Variants in SPHKAP observed in about 807,000 individuals in gnomAD.
SPHKAP encodes SPHK1 interactor, AKAP domain containing, also known as A-kinase anchor protein SPHKAP.
Under a neutral mutation model 137.5 loss-of-function variants are expected in SPHKAP, and 67 were observed. That is an observed-to-expected ratio of 0.49 (90% CI 0.40 to 0.60). The LOEUF is 0.60. Among genes scored for constraint, SPHKAP ranks in the 20% least tolerant of loss-of-function variants. SPHKAP has a pLI of 0.00. For synonymous variants in SPHKAP, 813 were observed against 785.3 expected (o/e 1.04, Z -0.59); for missense variants, 2,097 against 2,069.3 (o/e 1.01, Z -0.26).
At chr2:228,096,457 C>T (rs187647297) in intron 3 of SPHKAP, among the ~76,000 whole-genome samples, 21 of 152,242 alleles carry the variant, frequency 1.4e-4, no homozygotes, top group Admixed American at 1.1e-3. Context: ...TCTCCCTGCC[C>T]TTGAGCACGC....
At chr2:228,150,858 C>T (rs559904775) in intron 1 of SPHKAP, among the ~76,000 whole-genome samples, 68 of 152,066 alleles carry the variant, frequency 4.5e-4, no homozygotes, top group African/African-American at 1.6e-3. Context: ...TCAAGCAATC[C>T]TCATACCTCA....
intron 3 of SPHKAP, among the ~76,000 whole-genome samples, chr2:228,098,744 C>A (rs527593334): frequency 2.4e-3 from 329 of 134,292 alleles, no homozygotes; most frequent in Non-Finnish European, 4.0e-3. Context: ...CACATGTACC[C>A]TAAACCTTAA....
intron 1 of SPHKAP, among the ~76,000 whole-genome samples, chr2:228,134,543 G>A (rs142365438): frequency 2.0e-5 from 3 of 152,290 alleles, no homozygotes; most frequent in Admixed American, 6.5e-5. Context: ...TTACCCAAGC[G>A]TGGACATCTC....
At chr2:228,034,970 C>T (rs1402483544) in intron 3 of SPHKAP, among the ~76,000 whole-genome samples, 1 of 150,994 alleles carries the variant, frequency 6.6e-6, no homozygotes, top group South Asian at 2.1e-4. Context: ...AAAACTGGCA[C>T]AAGAGAGGGA....
At chr2:228,044,079 C>T (rs1574793238) in intron 3 of SPHKAP, among the ~76,000 whole-genome samples, 1 of 152,172 alleles carries the variant, frequency 6.6e-6, no homozygotes, top group Admixed American at 6.5e-5. Flanking sequence ...ATCTAACATT[C>T]ATCTCTCATA....
At chr2:228,155,623 C>G (rs72617141) in intron 1 of SPHKAP, among the ~76,000 whole-genome samples, 32,173 of 151,864 alleles carry the variant, frequency 0.21, 3,938 homozygotes, top group East Asian at 0.49. Flanking sequence ...GACAATATAG[C>G]CATTGGCATA....
chr2:228,027,624 G>A (rs1288359946), intron 3 of SPHKAP, 81 bp from the exon 4 acceptor site: 1 of 1,393,628 alleles, frequency 7.2e-7, no homozygotes, highest in Non-Finnish European at 1.0e-6. Flanking sequence ...GGAATCAGTT[G>A]GGGCAAATGC....
intron 3 of SPHKAP, among the ~76,000 whole-genome samples, chr2:228,047,466 CAAA>C (rs1229956684): frequency 1.0e-5 from 1 of 99,384 alleles, no homozygotes; most frequent in Non-Finnish European, 2.0e-5. Context: ...AACTCCATCT[CAAA>C]AAAAAAAAAA....
rs1694600691 is a variant in SPHKAP, at chr2:228,016,555, T to G, written c.4299A>C (p.Thr1433=). Residue 1433 remains threonine (T), a synonymous_variant, in exon 7 of 12, where the codon ACA becomes ACC. Transcript: ENST00000392056. ...SREVPLIQIE[T]DQREACAGEP... ...CCCCAGCACAGGCTTCTCTCTGATC[T>G]GTTTCAATCTGAATCAAAGGCACTT... The G allele has an allele frequency of 1.2e-6, 2 of 1,614,046 alleles. No homozygotes were observed. The highest frequency in any genetic ancestry group is 1.3e-5 in the African/African-American group (1 of 74,918).
At chr2:228,066,239 C>G (rs1696825203) in intron 3 of SPHKAP, among the ~76,000 whole-genome samples, 1 of 152,152 alleles carries the variant, frequency 6.6e-6, no homozygotes, top group Non-Finnish European at 1.5e-5. Context: ...TTAATGTTTT[C>G]CCTGTACTTT....
In SPHKAP at chr2:227,995,626, G is replaced by C. The variant is rs769617684; in HGVS notation, c.4517C>G (p.Ala1506Gly). ...ASTEARAPDE[A>G]PNPPSSSEES... ...CTCGCTGCTGCTTGGAGGGTTGGGGGCCTCATCGGGGGCTCTGGCTTCTGT... is the reference window on the plus strand; with the variant it reads ...CTCGCTGCTGCTTGGAGGGTTGGGGCCCTCATCGGGGGCTCTGGCTTCTGT... The change falls in exon 8 of 12, where the codon GCC becomes GGC. Residue 1506 changes from alanine (A) to glycine (G), a missense_variant. Transcript: ENST00000392056. 1.9e-6 allele frequency: 3 copies of C among 1,613,772 alleles called. No individual in the cohort carries two copies. Among genetic ancestry groups the C allele is most frequent in the South Asian group, 1.1e-5 (1 of 91,054 alleles).
At chr2:228,154,510 C>CTATATATATA (rs1255951798) in intron 1 of SPHKAP, among the ~76,000 whole-genome samples, 248 of 37,458 alleles carry the variant, frequency 6.6e-3, no homozygotes, top group Admixed American at 9.3e-3. Context: ...CTCTCTCTCT[C>CTATATATATA]TCTATATATA....
chr2:227,996,637 C>T (rs1164780951), intron 7 of SPHKAP, among the ~76,000 whole-genome samples: 1 of 152,160 alleles, frequency 6.6e-6, no homozygotes, highest in Non-Finnish European at 1.5e-5. Context: ...TTCTGCATAT[C>T]TCATTAACAT....
intron 5 of SPHKAP, 57 bp downstream of exon 5, chr2:228,025,337 C>G: frequency 1.9e-6 from 3 of 1,583,776 alleles, no homozygotes; most frequent in Non-Finnish European, 2.6e-6. Flanking sequence ...TTACACTGAT[C>G]TGTGCTGAGC....
intron 1 of SPHKAP, among the ~76,000 whole-genome samples, chr2:228,176,061 T>A (rs1700729686): frequency 1.3e-5 from 2 of 152,232 alleles, no homozygotes; most frequent in Admixed American, 1.3e-4. Flanking sequence ...TTTGAAGTAG[T>A]TTTCGCATTT....
Position 228,017,858 on chromosome 2 carries a change from C to G in SPHKAP, c.2996G>C (p.Arg999Pro). ...CGTCTTCCTCTTGATCTCACTGAGC[C>G]GGGGAGGCTTGTGTTTCCTCACAGC... ...GTAVRKHKPP[R>P]LSEIKRKTDE... The change falls in exon 7 of 12, where the codon CGG becomes CCG. Residue 999 changes from arginine to proline, a missense_variant. Physicochemically the swap from Arg to Pro is moderately radical, Grantham distance 103 (BLOSUM62 -2). Coordinates refer to ENST00000392056, the MANE Select transcript of SPHKAP (RefSeq NM_001142644.2). 6.2e-7 allele frequency: 1 copy of G among 1,613,998 alleles called. No individual in the cohort carries two copies.
rs1699807225 is a variant in SPHKAP, at chr2:228,147,453, CTACACAT to C, written c.33-15375_33-15369del. ...TTAATGAGGCAATGTATAACAGTAT[CTACACAT>C]TAAATACATATGCCACCTGAGAAGA... On this transcript the variant is annotated intron_variant, in intron 1 of 11. Transcript: ENST00000392056. Among the ~76,000 whole-genome samples, 3 of 152,266 alleles carry C rather than the reference CTACACAT, an allele frequency of 2.0e-5. 1 individual carries two copies. In the South Asian group the frequency reaches 6.2e-4, roughly 32 times the overall value.
chr2:228,083,188 A>G (rs565407093), intron 3 of SPHKAP, among the ~76,000 whole-genome samples: 77 of 152,352 alleles, frequency 5.1e-4, no homozygotes, highest in African/African-American at 1.8e-3. Flanking sequence ...TAGATGGGGT[A>G]TATTACCTCC....
intron 2 of SPHKAP, among the ~76,000 whole-genome samples, chr2:228,113,540 C>T (rs1036956029): frequency 1.3e-5 from 2 of 150,122 alleles, no homozygotes; most frequent in African/African-American, 4.9e-5. Context: ...AGGCAGTGTT[C>T]CATTGAAATT....
Sources: gnomAD v4.1 joint callset for allele counts (sites outside exome capture counted in the v4.1 genomes callset) on GRCh38, gnomAD v4.1.1 for gene constraint, MANE v1.5 for transcripts, NCBI Gene and HGNC (gene_info 2026-07-23, HGNC 2026-07-21) for gene names.